ABLIM1: variants seen among roughly 807,000 people sequenced by gnomAD.
The protein encoded by ABLIM1 is actin-binding LIM protein 1.
ABLIM1 carries 40 observed loss-of-function variants against 107.0 expected under a neutral mutation model. The ratio of observed to expected loss-of-function variants is 0.37; its 90% CI spans 0.29 to 0.49. The LOEUF is 0.49. Ranked by LOEUF, ABLIM1 falls within the 20% of genes least tolerant of loss-of-function variation. The probability of loss-of-function intolerance (pLI) is 0.97; values close to 1 mark genes in which losing one functional copy is unlikely to be tolerated. For synonymous variants in ABLIM1, 357 were observed against 357.3 expected, an observed-to-expected ratio of 1.00 and a Z score of 0.01; for missense variants, 857 against 1,008.5, an observed-to-expected ratio of 0.85 and a Z score of 2.04.
intron 1 of ABLIM1, among the ~76,000 whole-genome samples, chr10:114,735,170 T>A (rs1475515508): frequency 6.6e-6 from 1 of 152,202 alleles, no homozygotes; most frequent in East Asian, 1.9e-4. Context: ...AAGCCCCTGA[T>A]TACTTACTGT....
At chr10:114,602,158 G>T (rs957091328) in intron 1 of ABLIM1, among the ~76,000 whole-genome samples, 197 bp from the exon 2 acceptor site, 12 of 152,106 alleles carry the variant, frequency 7.9e-5, no homozygotes, top group Non-Finnish European at 5.9e-5. Context: ...AGTCCCGGGG[G>T]GAAAACACCA....
chr10:114,586,363 G>A (rs2074192270), intron 2 of ABLIM1, among the ~76,000 whole-genome samples: 1 of 152,192 alleles, frequency 6.6e-6, no homozygotes, highest in African/African-American at 2.4e-5. Context: ...GGCTAGTTAA[G>A]TGCACCATGG....
At chr10:114,643,577 T>A (rs2078845502) in intron 1 of ABLIM1, among the ~76,000 whole-genome samples, 2 of 148,792 alleles carry the variant, frequency 1.3e-5, no homozygotes, top group Non-Finnish European at 3.0e-5. Flanking sequence ...TATATCCAGA[T>A]TCTTTTTTTT....
At chr10:114,632,679 C>T (rs1401404851) in intron 1 of ABLIM1, 6 of 985,372 alleles carry the variant, frequency 6.1e-6, no homozygotes, top group African/African-American at 3.5e-5. Context: ...TATCCAGGAT[C>T]CAATTCAGGA....
intron 1 of ABLIM1, chr10:114,690,096 G>A: frequency 2.8e-6 from 3 of 1,058,590 alleles, no homozygotes; most frequent in Middle Eastern, 3.1e-4. Context: ...GCTCTCCTGA[G>A]CTACAAAAGG....
chr10:114,607,978 G>A (rs1380462279), intron 1 of ABLIM1, among the ~76,000 whole-genome samples: 1 of 152,192 alleles, frequency 6.6e-6, no homozygotes, highest in African/African-American at 2.4e-5. Flanking sequence ...AACGCAAAAT[G>A]TTACTAACAG....
rs184101248 is a variant in ABLIM1, at chr10:114,684,321, C to G, written c.33G>C (p.Thr11=). The G allele has an allele frequency of 9.9e-6, 16 of 1,614,050 alleles. No individual in the cohort carries two copies. The East Asian group carries it at 1.3e-4, about 13-fold the overall frequency. Residue 11 remains threonine, a synonymous_variant, in exon 1 of 24, where the codon ACG becomes ACC. Coordinates refer to the ABLIM1 transcript ENST00000369256. The stretch of plus-strand genomic sequence containing the variant: ...AGTCTCCCATGGTGTGATGAGGGTC[C>G]GTGAGCTCAGTCATTTCCAAGGTCA...
At chr10:114,615,935 G>C (rs2077103359) in intron 1 of ABLIM1, among the ~76,000 whole-genome samples, 1 of 152,228 alleles carries the variant, frequency 6.6e-6, no homozygotes, top group Admixed American at 6.5e-5. Flanking sequence ...CTGACTTGCA[G>C]GGAGGAGTTT....
chr10:114,634,185 T>C (rs1480710182), intron 1 of ABLIM1, among the ~76,000 whole-genome samples: 4 of 117,664 alleles, frequency 3.4e-5, no homozygotes, highest in Non-Finnish European at 6.6e-5. Flanking sequence ...CAGGCTGGAG[T>C]GCAGTGGCGC....
chr10:114,673,611 C>T lies in ABLIM1; in HGVS notation c.64+10679G>A, dbSNP rs116553039. On this transcript the variant is annotated intron_variant, in intron 1 of 23. Coordinates refer to the ABLIM1 transcript ENST00000369256. The stretch of plus-strand genomic sequence containing the variant: ...CTCTTATTTATCAGCCAGGCCTCCG[C>T]TTCAGTGTCAGCTCCTTGGAGAGGT... Among the ~76,000 whole-genome samples the T allele has an allele frequency of 9.3e-3, 1,417 of 152,340 alleles. 25 individuals are homozygous for T. The highest frequency in any genetic ancestry group is 0.033 in the African/African-American group (1,363 of 41,576).
Position 114,542,236 on chromosome 10 carries a change from C to A in ABLIM1, c.894+2769G>T, listed in dbSNP as rs142966694. Among the ~76,000 whole-genome samples, 372 of 151,678 alleles carry A rather than the reference C, an allele frequency of 2.5e-3. 3 individuals carry two copies. Among genetic ancestry groups the A allele is most frequent in the African/African-American group, 8.7e-3 (359 of 41,216 alleles). On this transcript the variant is annotated intron_variant, in intron 6 of 22. Coordinates refer to ENST00000533213, the MANE Select transcript of ABLIM1 (RefSeq NM_002313.7). ...CCAGCCTGGACAATAGAGTGAGACT[C>A]CCGTTCTTTACAAAAAATAACAAAA...
rs879085004 is a variant in ABLIM1, at chr10:114,613,805, C to T, written c.245-11844G>A. The T allele has an allele frequency of 3.3e-6, 4 of 1,217,944 alleles. No individual in the cohort carries two copies. The Admixed American group carries it at 7.3e-5, about 22-fold the overall frequency. The allele number at this position is 1,217,944 out of a possible 1,614,324, so 75.4% of individuals were successfully genotyped here. On this transcript the variant is annotated intron_variant, in intron 1 of 22. Coordinates refer to ENST00000533213, the MANE Select transcript of ABLIM1 (RefSeq NM_002313.7). ...ACCTAGGCTCCTGACTCCTCCCAGACCTGAACTTCAGGCTCCTTCAAGCTC... is the reference window on the plus strand; with the variant it reads ...ACCTAGGCTCCTGACTCCTCCCAGATCTGAACTTCAGGCTCCTTCAAGCTC...
At position 114,757,585 on chromosome 10, in the gene ABLIM1, T is replaced by C. The variant is rs77316791; in HGVS notation, c.-213+10476A>G. The stretch of plus-strand genomic sequence containing the variant: ...GTTGCCAACTCATCAGCAAGTTCTC[T>C]AAGCAATTCTTTAGAAACATTTCCA... On this transcript the variant is annotated intron_variant, in intron 1 of 15. Transcript: ENST00000651092. 2.7e-3 allele frequency among the ~76,000 whole-genome samples: 405 copies of C among 152,332 alleles called. 1 individual carries two copies. Among genetic ancestry groups the C allele is most frequent in the South Asian group, 0.017 (82 of 4,830 alleles).
chr10:114,571,741 G>GA (rs1163852229), intron 3 of ABLIM1, among the ~76,000 whole-genome samples: 1 of 152,134 alleles, frequency 6.6e-6, no homozygotes, highest in Admixed American at 6.5e-5. Context: ...AGTCCTTCAT[G>GA]AAAAAATATT....
rs533838145 is a variant in ABLIM1, at chr10:114,738,708, C to T, written c.-213+29353G>A. Among the ~76,000 whole-genome samples the T allele has an allele frequency of 1.0e-3, 159 of 151,870 alleles. 1 individual carries two copies. The highest frequency in any genetic ancestry group is 3.4e-3 in the African/African-American group (141 of 41,400). ...AGATAGTTTTACTGTGCCTCAAAAC[C>T]GAAACAAATAAAATGGCAGCTTCAT... On this transcript the variant is annotated intron_variant, in intron 1 of 15. Transcript: ENST00000651092.
At chr10:114,686,705 T>C (rs1045198631), upstream of ABLIM1, among the ~76,000 whole-genome samples, 1 of 152,110 alleles carries the variant, frequency 6.6e-6, no homozygotes, top group Non-Finnish European at 1.5e-5. Context: ...CACAGCTCAC[T>C]GCAGCTTTGA....
At chr10:114,754,696 A>C (rs2082591318) in intron 1 of ABLIM1, among the ~76,000 whole-genome samples, 1 of 152,234 alleles carries the variant, frequency 6.6e-6, no homozygotes, top group Non-Finnish European at 1.5e-5. Context: ...AAAAATGCTC[A>C]CTTAAATCAA....
intron 10 of ABLIM1, among the ~76,000 whole-genome samples, chr10:114,471,020 G>A (rs2066433392): frequency 6.6e-6 from 1 of 152,178 alleles, no homozygotes; most frequent in African/African-American, 2.4e-5. Flanking sequence ...AAGTTGCTGG[G>A]ACTACAGGCG....
the ABLIM1 span, among the ~76,000 whole-genome samples, chr10:114,796,764 G>A: frequency 6.6e-6 from 1 of 152,156 alleles, no homozygotes. Context: ...CCACTGTCAT[G>A]TCAAAATTCC....
Sources: gnomAD v4.1 joint callset for allele counts (sites outside exome capture counted in the v4.1 genomes callset) on GRCh38, gnomAD v4.1.1 for gene constraint, MANE v1.5 for transcripts, NCBI Gene and HGNC (gene_info 2026-07-23, HGNC 2026-07-21) for gene names.